The following FARP2 variants were observed in gnomAD, a reference collection of about 807,000 sequenced individuals.
FARP2 encodes the protein FERM, ARHGEF and pleckstrin domain-containing protein 2.
Under a neutral mutation model 130.5 loss-of-function variants are expected in FARP2, and 111 were observed. That is an observed-to-expected ratio of 0.85 (90% confidence interval 0.73 to 1.00). The LOEUF (loss-of-function observed/expected upper bound fraction) is 1.00. FARP2 is among the 50% of genes least tolerant of loss of function. The pLI, the probability that FARP2 is intolerant of heterozygous loss-of-function variation, is 0.00. For missense variants in FARP2, 1,385 were observed against 1,346.3 expected (o/e 1.03, Z -0.45); for synonymous variants, 504 against 516.9 (o/e 0.98, Z 0.34).
chr2:241,410,032 T>C (rs2062473751), intron 5 of FARP2, among the ~76,000 whole-genome samples: 1 of 152,146 alleles, frequency 6.6e-6, no homozygotes, highest in African/African-American at 2.4e-5. Context: ...TGAATTCCAC[T>C]AGGGACAGGG....
chr2:241,390,076 C>A (rs1226113038), intron 2 of FARP2, among the ~76,000 whole-genome samples: 1 of 152,226 alleles, frequency 6.6e-6, no homozygotes, highest in Non-Finnish European at 1.5e-5. Context: ...AAGTTTTGCA[C>A]CTCACTGTGC....
intron 7 of FARP2, among the ~76,000 whole-genome samples, chr2:241,413,981 G>A (rs2062596996): frequency 6.6e-6 from 1 of 151,914 alleles, no homozygotes; most frequent in Non-Finnish European, 1.5e-5. Context: ...ATCAGGGTCT[G>A]GGGGAGGAGG....
rs1033308471 is a variant in FARP2, at chr2:241,491,601, C to T, written c.2709C>T (p.His903=). ...GCTCCCTGGAGGGGCATGGCCAGCA[C>T]CGGGCCAACACCACAATGCACGTGT... ...VRSSLEGHGQ[H]RANTTMHVCW... The change falls in exon 24 of 27, where the codon CAC becomes CAT. Residue 903 remains histidine (H), a synonymous_variant. Transcript: ENST00000264042. 6.2e-7 allele frequency: 1 copy of T among 1,613,810 alleles called. No individual in the cohort carries two copies. The highest frequency in any genetic ancestry group is 8.5e-7 in the Non-Finnish European group (1 of 1,179,992).
chr2:241,356,664 A>G (rs1017954837), intron 1 of FARP2, among the ~76,000 whole-genome samples: 1 of 151,704 alleles, frequency 6.6e-6, no homozygotes, highest in African/African-American at 2.4e-5. Context: ...TCCCGGGTTG[A>G]GGGGTGCCGC....
At chr2:241,412,465 G>C (rs148445515) in intron 6 of FARP2, among the ~76,000 whole-genome samples, 185 of 152,234 alleles carry the variant, frequency 1.2e-3, no homozygotes, top group Non-Finnish European at 1.9e-3. Flanking sequence ...GCTCAAAGGA[G>C]AAAAAACTCT....
At chr2:241,380,925 C>T (rs2061646266) in intron 2 of FARP2, among the ~76,000 whole-genome samples, 1 of 152,242 alleles carries the variant, frequency 6.6e-6, no homozygotes, top group Middle Eastern at 3.4e-3. Flanking sequence ...TCTGGGCCTC[C>T]ATGACCAGTG....
intron 2 of FARP2, among the ~76,000 whole-genome samples, chr2:241,402,874 ATATATATTTTTT>A (rs1239001343): frequency 0.014 from 150 of 10,938 alleles, 8 homozygotes; most frequent in East Asian, 0.12. Context: ...ATATATATAT[ATATATATTTTTT>A]TTTTTTTTTT....
intron 13 of FARP2, among the ~76,000 whole-genome samples, chr2:241,449,186 G>A (rs1484203559): frequency 4.6e-5 from 7 of 152,126 alleles, no homozygotes; most frequent in East Asian, 3.9e-4. Flanking sequence ...TTGGCCGGGC[G>A]CGGTGGCTCA....
At chr2:241,397,240 C>T (rs1008183184) in intron 2 of FARP2, among the ~76,000 whole-genome samples, 13 of 152,102 alleles carry the variant, frequency 8.5e-5, no homozygotes, top group African/African-American at 2.7e-4. Context: ...TGCTAAATGA[C>T]GAGTTGATGG....
At chr2:241,418,644 A>G (rs946483605) in intron 8 of FARP2, among the ~76,000 whole-genome samples, 1 of 152,186 alleles carries the variant, frequency 6.6e-6, no homozygotes, top group Admixed American at 6.5e-5. Context: ...AAGTGTTTGT[A>G]TTAGTTGTGA....
At chr2:241,427,149 C>T (rs994189635) in intron 8 of FARP2, among the ~76,000 whole-genome samples, 2 of 152,226 alleles carry the variant, frequency 1.3e-5, no homozygotes, top group East Asian at 1.9e-4. Flanking sequence ...GTAGGAGAAT[C>T]GCTTGAATCC....
intron 21 of FARP2, among the ~76,000 whole-genome samples, chr2:241,485,817 G>A (rs770583342): frequency 1.4e-5 from 2 of 143,018 alleles, no homozygotes; most frequent in Non-Finnish European, 3.1e-5. Context: ...TCCCCCAGTA[G>A]GGTCCTCCTT....
Position 241,373,066 on chromosome 2 carries a change from T to G in FARP2, c.-24-18T>G, listed in dbSNP as rs2061458529. On this transcript the variant is annotated intron_variant, in intron 1 of 26. Transcript: ENST00000264042. ...ATGTGATAATTCCTTCATGTGGTTTTTTTTTTTTTCATTTTAGTGTTTTCT... is the reference window on the plus strand; with the variant it reads ...ATGTGATAATTCCTTCATGTGGTTTGTTTTTTTTTCATTTTAGTGTTTTCT... The G allele has an allele frequency of 7.9e-7, 1 of 1,269,082 alleles. No homozygotes were observed. Among genetic ancestry groups the G allele is most frequent in the Non-Finnish European group, 1.0e-6 (1 of 969,684 alleles). 78.6% of individuals were successfully genotyped at this position (1,269,082 alleles called of 1,614,324 possible).
intron 13 of FARP2, among the ~76,000 whole-genome samples, chr2:241,447,861 G>A (rs181737681): frequency 3.9e-4 from 59 of 152,194 alleles, no homozygotes; most frequent in African/African-American, 1.4e-3. Context: ...TGCCCTTTTC[G>A]GACCTTGGAG....
rs1289728248 is a variant in FARP2 at position 241,459,069 on chromosome 2, C to T, written c.1587+2147C>T. On this transcript the variant is annotated intron_variant, in intron 14 of 26. Transcript: ENST00000264042. The surrounding 1 kb of genome is among the most constrained non-coding windows in gnomAD (Gnocchi z 5.3). ...ACACCTGGGCTCTGGAGGGAGGGCT[C>T]TGGGCTCTGCTTCAATTCTGTGTGT... 6.6e-6 allele frequency among the ~76,000 whole-genome samples: 1 copy of T among 152,242 alleles called. No individual in the cohort carries two copies. The highest frequency in any genetic ancestry group is 1.5e-5 in the Non-Finnish European group (1 of 68,040).
chr2:241,453,904 C>T (rs1169615674), intron 13 of FARP2, among the ~76,000 whole-genome samples: 1 of 150,150 alleles, frequency 6.7e-6, no homozygotes, highest in African/African-American at 2.5e-5. Context: ...CTGCCTCAGC[C>T]TCCTGAGTAG....
At position 241,401,634 on chromosome 2, in the gene FARP2, CG is replaced by C. The variant is rs575813136; in HGVS notation, c.184-2193del. 1.4e-3 allele frequency among the ~76,000 whole-genome samples: 206 copies of C among 152,200 alleles called. 2 individuals are homozygous for C. The highest frequency in any genetic ancestry group is 2.2e-3 in the Non-Finnish European group (152 of 68,022). On this transcript the variant is annotated intron_variant, in intron 2 of 26. Coordinates refer to ENST00000264042, the MANE Select transcript of FARP2 (RefSeq NM_014808.4). ...TCCCTCAGGTTGCTGAGTTCACAGG[CG>C]TGAGCTACCATGCCCAGAGTCCCTT...
intron 2 of FARP2, among the ~76,000 whole-genome samples, chr2:241,390,129 G>A (rs2061872825): frequency 6.6e-6 from 1 of 152,164 alleles, no homozygotes; most frequent in South Asian, 2.1e-4. Context: ...TGCTGAAGTT[G>A]GCCCCGTGGC....
chr2:241,492,319 G>A (rs952219118), intron 24 of FARP2, among the ~76,000 whole-genome samples: 1 of 152,326 alleles, frequency 6.6e-6, no homozygotes, highest in East Asian at 1.9e-4. Flanking sequence ...GGTGCAGCAG[G>A]TCCCTGACCT....
Sources: allele counts gnomAD v4.1 joint callset (sites outside exome capture counted in the v4.1 genomes callset), GRCh38; gene constraint gnomAD v4.1.1; non-coding constraint Gnocchi (gnomAD v3.1); transcripts MANE v1.5; gene names NCBI Gene and HGNC (gene_info 2026-07-23, HGNC 2026-07-21).